SLC8A1: variants seen among roughly 807,000 people sequenced by gnomAD.
The protein encoded by SLC8A1 is solute carrier family 8 member A1, also known as sodium/calcium exchanger 1.
A neutral mutation model predicts 68.3 loss-of-function variants in SLC8A1; 18 were observed. The observed-to-expected ratio is 0.26, with a 90% CI of 0.18 to 0.39. SLC8A1 has a LOEUF of 0.39. Among genes scored for constraint, SLC8A1 ranks in the 10% least tolerant of loss-of-function variants. SLC8A1 has a pLI of 1.00. For synonymous variants in SLC8A1, 475 were observed against 415.5 expected, an observed-to-expected ratio of 1.14 and a Z score of -1.74; for missense variants, 985 against 1,156.7, an observed-to-expected ratio of 0.85 and a Z score of 2.15.
chr2:40,380,890 A>G (rs1448293498), intron 2 of SLC8A1, among the ~76,000 whole-genome samples: 2 of 152,062 alleles, frequency 1.3e-5, no homozygotes, highest in Admixed American at 6.6e-5. Flanking sequence ...CACCCTGCGT[A>G]TGGGATCCAA....
intron 2 of SLC8A1, among the ~76,000 whole-genome samples, chr2:40,290,035 G>A (rs1369157609): frequency 6.6e-6 from 1 of 152,034 alleles, no homozygotes; most frequent in Non-Finnish European, 1.5e-5. Flanking sequence ...TAAAAGGCCT[G>A]TAATAGTGAA....
Position 40,304,432 on chromosome 2 carries a change from C to A in SLC8A1, c.1808+124041G>T, listed in dbSNP as rs150548959. Among the ~76,000 whole-genome samples the A allele has an allele frequency of 1.8e-4, 28 of 152,248 alleles. No individual in the cohort carries two copies. In the South Asian group the frequency reaches 5.6e-3, roughly 30 times the overall value. ...CATTATCAAGTCCTGGAAGGACTGT[C>A]GCATAAGGATTCTGAGTAACTTGAT... On this transcript the variant is annotated intron_variant, in intron 2 of 7. Transcript: ENST00000406785.
At chr2:40,174,910 C>G (rs1456415717) in intron 3 of SLC8A1, 68 bp from the exon 5 acceptor site, 1 of 1,484,436 alleles carries the variant, frequency 6.7e-7, no homozygotes, top group African/African-American at 1.4e-5. Flanking sequence ...CCAGTGACAT[C>G]AGACTGCCTG....
At chr2:40,134,108 T>C (rs1360942450) in intron 7 of SLC8A1, among the ~76,000 whole-genome samples, 1 of 151,232 alleles carries the variant, frequency 6.6e-6, no homozygotes, top group African/African-American at 2.5e-5. Context: ...TTTTTTTTTT[T>C]TGAGATGGAA....
At chr2:40,276,186 G>T (rs2066673540) in intron 2 of SLC8A1, among the ~76,000 whole-genome samples, 1 of 152,190 alleles carries the variant, frequency 6.6e-6, no homozygotes, top group Admixed American at 6.5e-5. Flanking sequence ...ATGATCAGCT[G>T]CTTTGCCTTC....
chr2:40,131,015 T>G (rs994797345), intron 7 of SLC8A1, among the ~76,000 whole-genome samples: 1 of 102,398 alleles, frequency 9.8e-6, no homozygotes, highest in Non-Finnish European at 2.1e-5. Context: ...TGTTTATCAG[T>G]GCATTGAAAT....
intron 6 of SLC8A1, among the ~76,000 whole-genome samples, chr2:40,160,368 A>G (rs1398643113): frequency 6.6e-6 from 1 of 152,168 alleles, no homozygotes; most frequent in Non-Finnish European, 1.5e-5. Flanking sequence ...GTTGTGGTCA[A>G]GTGTCTTAGT....
At chr2:40,441,242 G>A (rs975712164) in intron 1 of SLC8A1, among the ~76,000 whole-genome samples, 1 of 152,022 alleles carries the variant, frequency 6.6e-6, no homozygotes, top group East Asian at 1.9e-4. Flanking sequence ...ACCTCTTCAA[G>A]GAGAACTACA....
intron 2 of SLC8A1, among the ~76,000 whole-genome samples, chr2:40,235,031 G>A (rs1389448150): frequency 6.6e-6 from 1 of 152,130 alleles, no homozygotes; most frequent in African/African-American, 2.4e-5. Flanking sequence ...TTTCATCAAT[G>A]TTCATCAAGG....
chr2:40,397,277 T>C (rs977639689), intron 2 of SLC8A1, among the ~76,000 whole-genome samples: 7 of 152,208 alleles, frequency 4.6e-5, no homozygotes, highest in African/African-American at 1.2e-4. Flanking sequence ...AATGTGCCCA[T>C]TGATGGTTTA....
intron 2 of SLC8A1, among the ~76,000 whole-genome samples, chr2:40,264,616 C>T (rs1026962534): frequency 5.9e-5 from 9 of 152,058 alleles, no homozygotes; most frequent in African/African-American, 9.7e-5. Context: ...AACCAAACAC[C>T]GCGTGTTCTC....
intron 2 of SLC8A1, among the ~76,000 whole-genome samples, chr2:40,372,075 T>G (rs1575787940): frequency 1.3e-5 from 2 of 152,238 alleles, no homozygotes; most frequent in East Asian, 3.9e-4. Context: ...AAAATTATGA[T>G]AAACCCCTCT....
In SLC8A1 at chr2:40,435,919, G is replaced by A. The variant is rs572886539; in HGVS notation, c.-24-5615C>T. ...GCCTGCCAAGTAGCTGGGATTATAGGTGCCTGCCAACCATGCTCGGCTATT... is the reference window on the plus strand; with the variant it reads ...GCCTGCCAAGTAGCTGGGATTATAGATGCCTGCCAACCATGCTCGGCTATT... On this transcript the variant is annotated intron_variant, in intron 1 of 7. Transcript: ENST00000406785. Among the ~76,000 whole-genome samples the A allele has an allele frequency of 3.3e-5, 5 of 151,536 alleles. No homozygotes were observed. The East Asian group carries it at 9.7e-4, about 30-fold the overall frequency.
intron 2 of SLC8A1, among the ~76,000 whole-genome samples, chr2:40,399,627 T>C (rs1032333060): frequency 2.0e-5 from 3 of 152,172 alleles, no homozygotes; most frequent in Non-Finnish European, 4.4e-5. Flanking sequence ...TAAATTGTTA[T>C]GTTACCAAAA....
At chr2:40,164,903 C>A in exon 5 of SLC8A1, 1 of 1,613,958 alleles carries the variant, frequency 6.2e-7, no homozygotes, top group Non-Finnish European at 8.5e-7. Context: ...GGTGTGCTCT[C>A]CCAGGATGGG....
chr2:40,160,212 C>T (rs903415650), intron 6 of SLC8A1, among the ~76,000 whole-genome samples: 1 of 152,170 alleles, frequency 6.6e-6, no homozygotes, highest in Non-Finnish European at 1.5e-5. Context: ...TTGAAAAACA[C>T]TTCATTTTGT....
chr2:40,245,428 G>A (rs1264441303), intron 2 of SLC8A1, among the ~76,000 whole-genome samples: 1 of 152,182 alleles, frequency 6.6e-6, no homozygotes, highest in East Asian at 1.9e-4. Context: ...AGAATAAGGT[G>A]CAAATCTAAA....
chr2:40,342,411 C>A (rs1268380212), intron 2 of SLC8A1, among the ~76,000 whole-genome samples: 1 of 151,954 alleles, frequency 6.6e-6, no homozygotes, highest in Non-Finnish European at 1.5e-5. Flanking sequence ...AACAGTGATA[C>A]AGAAATTTTG....
At chr2:40,204,116 C>T (rs928841023) in intron 2 of SLC8A1, among the ~76,000 whole-genome samples, 2 of 151,984 alleles carry the variant, frequency 1.3e-5, no homozygotes, top group Non-Finnish European at 2.9e-5. Context: ...AAAATGCACA[C>T]ATGCTTTTAA....
Sources: gnomAD v4.1 joint callset for allele counts (sites outside exome capture counted in the v4.1 genomes callset) on GRCh38, gnomAD v4.1.1 for gene constraint, MANE v1.5 for transcripts, NCBI Gene and HGNC (gene_info 2026-07-23, HGNC 2026-07-21) for gene names.